MYO16: variants seen among roughly 807,000 people sequenced by gnomAD.
The protein encoded by MYO16 is myosin XVI.
Under a neutral mutation model 205.3 loss-of-function variants are expected in MYO16, and 94 were observed. That is an observed-to-expected ratio of 0.46 (90% CI 0.39 to 0.54). The LOEUF (loss-of-function observed/expected upper bound fraction) is 0.54, where lower values mean the gene tolerates loss of function less well. Among genes scored for constraint, MYO16 ranks in the 20% least tolerant of loss-of-function variants. MYO16 has a pLI of 0.00. For missense variants in MYO16, 2,315 were observed against 2,387.5 expected, an observed-to-expected ratio of 0.97 and a Z score of 0.63; for synonymous variants, 988 against 954.0, an observed-to-expected ratio of 1.04 and a Z score of -0.66.
In MYO16 at chr13:108,785,732, T is replaced by C; in HGVS notation, c.605T>C (p.Leu202Pro). The change falls in exon 5 of 35, where the codon CTG becomes CCG. Residue 202 changes from leucine (L) to proline (P), a missense_variant. This residue lies in a region of MYO16 where 1,213 missense variants were observed against 1,274.4 expected (regional missense o/e 0.95). Coordinates refer to ENST00000457511, the MANE Select transcript of MYO16 (RefSeq NM_001198950.3). Reference protein sequence around the residue: ...TESSSILLTYLDENGVDLTSL... With the variant: ...TESSSILLTYPDENGVDLTSL... Reference sequence around the variant, plus strand: ...TCCAGCTCTATCCTGTTGACCTATCTGGATGAAAATGGTAGGCAAAAACTT... The same window carrying C: ...TCCAGCTCTATCCTGTTGACCTATCCGGATGAAAATGGTAGGCAAAAACTT... 6.3e-7 allele frequency: 1 copy of C among 1,596,498 alleles called. No individual in the cohort carries two copies. Among genetic ancestry groups the C allele is most frequent in the Non-Finnish European group, 8.5e-7 (1 of 1,170,168 alleles).
At chr13:108,779,625 G>T (rs1886234753) in intron 4 of MYO16, 2 of 152,212 alleles carry the variant, frequency 1.3e-5, no homozygotes, top group East Asian at 3.9e-4. Flanking sequence ...TTCTCGCTGG[G>T]AGGCTAATAT....
At chr13:109,170,397 G>A (rs1222113663) in intron 33 of MYO16, among the ~76,000 whole-genome samples, 3 of 152,092 alleles carry the variant, frequency 2.0e-5, no homozygotes, top group Non-Finnish European at 2.9e-5. Context: ...CTCGGAGAAC[G>A]GACTGCCACA....
intron 6 of MYO16, among the ~76,000 whole-genome samples, chr13:108,795,806 A>G (rs1251041265): frequency 6.6e-6 from 1 of 152,220 alleles, no homozygotes; most frequent in Non-Finnish European, 1.5e-5. Context: ...AGCTAAATAT[A>G]TAGTATCCTA....
At chr13:108,519,649 CCA>C in the MYO16 span, among the ~76,000 whole-genome samples, 1 of 118,468 alleles carries the variant, frequency 8.4e-6, no homozygotes, top group Non-Finnish European at 2.0e-5. Flanking sequence ...ACACACACAC[CCA>C]CACACACACA....
intron 16 of MYO16, among the ~76,000 whole-genome samples, chr13:108,954,798 A>G (rs1883285768): frequency 6.6e-6 from 1 of 152,154 alleles, no homozygotes; most frequent in Non-Finnish European, 1.5e-5. Context: ...GCAGACAGAA[A>G]GACCCTCTGA....
intron 32 of MYO16, among the ~76,000 whole-genome samples, chr13:109,145,384 C>G (rs1387114781): frequency 6.7e-6 from 1 of 150,008 alleles, no homozygotes; most frequent in African/African-American, 2.5e-5. Context: ...AAAAAAAAGT[C>G]TTTTAAAATT....
intron 6 of MYO16, among the ~76,000 whole-genome samples, chr13:108,795,284 C>A (rs539841100): frequency 6.6e-6 from 1 of 152,018 alleles, no homozygotes; most frequent in South Asian, 2.1e-4. Context: ...CTCCACCTCC[C>A]AGGTTCAAGT....
chr13:108,717,781 G>C (rs1334515811), intron 3 of MYO16, among the ~76,000 whole-genome samples: 1 of 152,126 alleles, frequency 6.6e-6, no homozygotes, highest in African/African-American at 2.4e-5. Flanking sequence ...AGCCAACGGA[G>C]GATCTTGAAG....
intron 34 of MYO16, 45 bp downstream of exon 34, chr13:109,179,678 A>T (rs1258701326): frequency 2.7e-6 from 4 of 1,456,438 alleles, no homozygotes; most frequent in Middle Eastern, 1.7e-4. Flanking sequence ...AAATGGAATT[A>T]AGTTATGACA....
intron 34 of MYO16, among the ~76,000 whole-genome samples, chr13:109,190,590 C>G (rs148461529): frequency 6.6e-6 from 1 of 152,288 alleles, no homozygotes; most frequent in Non-Finnish European, 1.5e-5. Context: ...ATATTATTCC[C>G]TAACTTTATT....
At chr13:108,762,111 C>A (rs1256438365) in intron 4 of MYO16, among the ~76,000 whole-genome samples, 1 of 152,178 alleles carries the variant, frequency 6.6e-6, no homozygotes, top group Non-Finnish European at 1.5e-5. Flanking sequence ...GACTTTGTTT[C>A]TGATTTGTTT....
At chr13:108,755,054 C>G (rs1391158581) in intron 4 of MYO16, among the ~76,000 whole-genome samples, 2 of 151,976 alleles carry the variant, frequency 1.3e-5, no homozygotes, top group Non-Finnish European at 2.9e-5. Context: ...AGACAGCATT[C>G]AGGAGAGAGG....
chr13:109,193,726 A>G (rs1470087027), intron 34 of MYO16, among the ~76,000 whole-genome samples: 1 of 152,038 alleles, frequency 6.6e-6, no homozygotes, highest in Non-Finnish European at 1.5e-5. Context: ...CATGATTTTG[A>G]CGCTTGTTTT....
chr13:109,046,049 G>A (rs555993610), intron 23 of MYO16, among the ~76,000 whole-genome samples: 95 of 151,472 alleles, frequency 6.3e-4, no homozygotes, highest in South Asian at 1.1e-3. Context: ...CCCTCATGGC[G>A]GATCCTCGCC....
intron 4 of MYO16, among the ~76,000 whole-genome samples, chr13:108,735,585 T>G (rs1437219657): frequency 6.6e-6 from 1 of 151,942 alleles, no homozygotes; most frequent in Non-Finnish European, 1.5e-5. Flanking sequence ...CTATTGTGAA[T>G]AGTGCTGCAA....
intron 29 of MYO16, 90 bp downstream of exon 29, chr13:109,120,556 G>T: frequency 2.2e-6 from 2 of 921,086 alleles, no homozygotes; most frequent in Non-Finnish European, 3.3e-6. Flanking sequence ...TGTCGATGGG[G>T]TCTGCACCCT....
intron 1 of MYO16, among the ~76,000 whole-genome samples, chr13:108,660,647 CTT>C (rs1881462779): frequency 6.6e-6 from 1 of 152,116 alleles, no homozygotes; most frequent in Non-Finnish European, 1.5e-5. Flanking sequence ...CACCCCTTTA[CTT>C]TAAGTTTATG....
the MYO16 span, among the ~76,000 whole-genome samples, chr13:108,572,371 G>A: frequency 4.8e-4 from 73 of 151,550 alleles, no homozygotes; most frequent in African/African-American, 1.7e-3. Flanking sequence ...TAAAATACAA[G>A]TGGTTCTTGT....
chr13:108,738,961 C>T (rs1594253529), intron 4 of MYO16, among the ~76,000 whole-genome samples: 1 of 152,118 alleles, frequency 6.6e-6, no homozygotes, highest in East Asian at 1.9e-4. Flanking sequence ...GATTGCAACC[C>T]CTGCCTTTTT....
Sources: allele counts gnomAD v4.1 joint callset (sites outside exome capture counted in the v4.1 genomes callset), GRCh38; gene constraint gnomAD v4.1.1; regional missense constraint gnomAD v4.1.1; transcripts MANE v1.5; gene names NCBI Gene and HGNC (gene_info 2026-07-23, HGNC 2026-07-21).